KDM2A: variants seen among roughly 807,000 people sequenced by gnomAD.
KDM2A encodes the protein lysine-specific demethylase 2A.
Under a neutral mutation model 137.3 loss-of-function variants are expected in KDM2A, and 3 were observed. The ratio of observed to expected loss-of-function variants is 0.02; its 90% confidence interval spans 0.01 to 0.06. The LOEUF (loss-of-function observed/expected upper bound fraction) is 0.06. Among genes scored for constraint, KDM2A ranks in the 10% least tolerant of loss-of-function variants. The pLI is 1.00. For missense variants in KDM2A, 738 were observed against 1,510.6 expected, an observed-to-expected ratio of 0.49 and a Z score of 8.48; for synonymous variants, 512 against 541.5, an observed-to-expected ratio of 0.95 and a Z score of 0.76.
chr11:67,221,803 T>C (rs1858359208), intron 10 of KDM2A, among the ~76,000 whole-genome samples: 1 of 152,058 alleles, frequency 6.6e-6, no homozygotes, highest in African/African-American at 2.4e-5. Context: ...GGTGTGGTGG[T>C]GCATGCCTGT....
At chr11:67,146,401 T>C (rs956222470) in intron 2 of KDM2A, among the ~76,000 whole-genome samples, 5 of 152,124 alleles carry the variant, frequency 3.3e-5, no homozygotes, top group African/African-American at 1.2e-4. Context: ...GCAGTCTTAT[T>C]TATCAGAGCA....
At chr11:67,170,535 C>T (rs911233291) in intron 2 of KDM2A, among the ~76,000 whole-genome samples, 6 of 151,244 alleles carry the variant, frequency 4.0e-5, no homozygotes, top group African/African-American at 1.2e-4. Context: ...GCCTGAGCCT[C>T]CCGAGTAGCT....
At chr11:67,203,193 A>G (rs1410898209) in intron 5 of KDM2A, among the ~76,000 whole-genome samples, 1 of 152,024 alleles carries the variant, frequency 6.6e-6, no homozygotes, top group African/African-American at 2.4e-5. Flanking sequence ...TTTAGCAATA[A>G]AGTATTTTTA....
intron 2 of KDM2A, among the ~76,000 whole-genome samples, chr11:67,150,523 A>G (rs1724739621): frequency 6.6e-6 from 1 of 152,180 alleles, no homozygotes; most frequent in Non-Finnish European, 1.5e-5. Flanking sequence ...ATTCCAGGCC[A>G]ATTAGGGAAG....
intron 2 of KDM2A, among the ~76,000 whole-genome samples, chr11:67,144,950 C>G (rs550380708): frequency 2.4e-4 from 36 of 151,604 alleles, no homozygotes; most frequent in Admixed American, 5.3e-4. Flanking sequence ...AGCTAACTGC[C>G]GACTTTGCCT....
At chr11:67,246,584 A>G (rs962909487) in intron 15 of KDM2A, among the ~76,000 whole-genome samples, 11 of 151,884 alleles carry the variant, frequency 7.2e-5, no homozygotes, top group Non-Finnish European at 1.6e-4. Context: ...AAAAAAAAAA[A>G]GTAATAAAAA....
chr11:67,133,174 A>C (rs1855889537), intron 2 of KDM2A, among the ~76,000 whole-genome samples: 1 of 152,174 alleles, frequency 6.6e-6, no homozygotes, highest in South Asian at 2.1e-4. Flanking sequence ...ATCTTGGCTC[A>C]GTGCAATCTC....
At chr11:67,189,350 A>G (rs1056961696) in intron 5 of KDM2A, among the ~76,000 whole-genome samples, 1 of 152,226 alleles carries the variant, frequency 6.6e-6, no homozygotes, top group Non-Finnish European at 1.5e-5. Context: ...GAATGAACAC[A>G]ACACAGCCTA....
Position 67,135,090 on chromosome 11 carries a change from C to G in KDM2A, c.42+13732C>G, listed in dbSNP as rs192158910. ...TTCTTTTTTTTTTTTCCCCCTGAGA[C>G]GGAGTTTCACTTTTGTTGCCCAGGC... On this transcript the variant is annotated intron_variant, in intron 2 of 20. Transcript: ENST00000529006. Among the ~76,000 whole-genome samples, 243 of 151,136 alleles carry G rather than the reference C, an allele frequency of 1.6e-3. 2 individuals carry two copies. Among genetic ancestry groups the G allele is most frequent in the South Asian group, 1.9e-3 (9 of 4,792 alleles).
In KDM2A at chr11:67,147,968, C is replaced by T. The variant is rs1018017123; in HGVS notation, c.42+26610C>T. On this transcript the variant is annotated intron_variant, in intron 2 of 20. Transcript: ENST00000529006. Reference sequence around the variant, plus strand: ...CGGGGATTATAGGTGTGAGCTGCCACGCCCGGCCCTCATTAGAGAGTCTTA... The same window carrying T: ...CGGGGATTATAGGTGTGAGCTGCCATGCCCGGCCCTCATTAGAGAGTCTTA... 5.3e-5 allele frequency among the ~76,000 whole-genome samples: 8 copies of T among 152,018 alleles called. No individual in the cohort carries two copies. The South Asian group carries it at 8.3e-4, about 16-fold the overall frequency.
In KDM2A at chr11:67,123,636, C is replaced by T. The variant is rs1218760744; in HGVS notation, c.42+2278C>T. ...TAGGTATCTAAGGAATTTTGCAGTC[C>T]AGACTTTAAAGGAAGAGCCTTTCCA... On this transcript the variant is annotated intron_variant, in intron 2 of 20. Coordinates refer to ENST00000529006, the MANE Select transcript of KDM2A (RefSeq NM_012308.3). Among the ~76,000 whole-genome samples, 4 of 151,548 alleles carry T rather than the reference C, an allele frequency of 2.6e-5. No individual in the cohort carries two copies. In the East Asian group the frequency reaches 7.7e-4, roughly 29 times the overall value.
At chr11:67,226,821 A>G (rs773554417) in intron 10 of KDM2A, among the ~76,000 whole-genome samples, 10 of 152,214 alleles carry the variant, frequency 6.6e-5, no homozygotes, top group Non-Finnish European at 8.8e-5. Flanking sequence ...TTTATTTTCT[A>G]AAAGGGAAAT....
At chr11:67,210,513 G>T (rs1857947926) in intron 6 of KDM2A, among the ~76,000 whole-genome samples, 1 of 151,976 alleles carries the variant, frequency 6.6e-6, no homozygotes, top group African/African-American at 2.4e-5. Context: ...TCTGTCCCTA[G>T]TTTTAATGAT....
chr11:67,193,643 C>T (rs1165750705), intron 5 of KDM2A, among the ~76,000 whole-genome samples: 2 of 151,918 alleles, frequency 1.3e-5, no homozygotes, highest in Non-Finnish European at 2.9e-5. Context: ...GACAGATCAC[C>T]TGAGGTCGGG....
intron 16 of KDM2A, 65 bp downstream of exon 16, chr11:67,248,435 C>G: frequency 8.8e-7 from 1 of 1,133,660 alleles, no homozygotes; most frequent in Non-Finnish European, 1.3e-6. Context: ...GGGATTGCTA[C>G]ACGTTTGCCT....
chr11:67,121,436 G>C, intron 2 of KDM2A, 78 bp downstream of exon 2: 1 of 1,392,026 alleles, frequency 7.2e-7, no homozygotes, highest in Non-Finnish European at 1.0e-6. Context: ...TGAATATACT[G>C]TGAATCTGTG....
intron 5 of KDM2A, among the ~76,000 whole-genome samples, chr11:67,192,842 G>T (rs913932595): frequency 4.6e-5 from 7 of 152,092 alleles, no homozygotes; most frequent in Admixed American, 1.3e-4. Context: ...CTAGAAGTGG[G>T]CCAAAGAGTA....
At chr11:67,203,278 A>G (rs1021788906) in intron 5 of KDM2A, among the ~76,000 whole-genome samples, 10 of 151,732 alleles carry the variant, frequency 6.6e-5, no homozygotes, top group Non-Finnish European at 1.3e-4. Context: ...ATGTAAATAT[A>G]TGCACTGTGA....
At chr11:67,239,176 G>C (rs1337100321) in intron 12 of KDM2A, among the ~76,000 whole-genome samples, 1 of 152,206 alleles carries the variant, frequency 6.6e-6, no homozygotes, top group Non-Finnish European at 1.5e-5. Context: ...GGTATTCTGA[G>C]GGTAGGATAA....
Sources: gnomAD v4.1 joint callset for allele counts (sites outside exome capture counted in the v4.1 genomes callset) on GRCh38, gnomAD v4.1.1 for gene constraint, MANE v1.5 for transcripts, NCBI Gene and HGNC (gene_info 2026-07-23, HGNC 2026-07-21) for gene names.